Variants in CHIA observed in about 807,000 individuals in gnomAD.
CHIA encodes chitinase acidic.
In CHIA, 47 loss-of-function variants were observed where a neutral mutation model predicts 53.5. That is an observed-to-expected ratio of 0.88 (90% CI 0.70 to 1.12). The LOEUF (loss-of-function observed/expected upper bound fraction) is 1.12, where lower values mean the gene tolerates loss of function less well. Among genes scored for constraint, CHIA ranks in the 50% most tolerant of loss-of-function variants. The pLI is 0.00. For missense variants in CHIA, 652 were observed against 592.2 expected (o/e 1.10, Z -1.05); for synonymous variants, 268 against 222.2 (o/e 1.21, Z -1.83).
chr1:111,308,418 G>A (rs7412290), intron 1 of CHIA, among the ~76,000 whole-genome samples: 19,956 of 152,150 alleles, frequency 0.13, 1,514 homozygotes, highest in African/African-American at 0.19. Flanking sequence ...AAAAGCTTGC[G>A]TACTTAACAC....
intron 1 of CHIA, among the ~76,000 whole-genome samples, chr1:111,300,498 A>G (rs1470662678): frequency 6.6e-6 from 1 of 152,228 alleles, no homozygotes; most frequent in Non-Finnish European, 1.5e-5. Flanking sequence ...TCCCTATTTA[A>G]AAAATGGTGC....
intron 4 of CHIA, 106 bp downstream of exon 4, chr1:111,312,497 A>G: frequency 1.2e-6 from 1 of 863,666 alleles, no homozygotes; most frequent in Non-Finnish European, 1.9e-6. Flanking sequence ...GATGGGGACC[A>G]AGACTCTGCA....
At chr1:111,294,134 T>C (rs1490753872) in intron 1 of CHIA, among the ~76,000 whole-genome samples, 4 of 152,162 alleles carry the variant, frequency 2.6e-5, no homozygotes, top group African/African-American at 9.7e-5. Context: ...AGGGATTGCA[T>C]TGAATCTGTA....
At chr1:111,310,744 T>G (rs1241556019) in intron 2 of CHIA, among the ~76,000 whole-genome samples, 2 of 152,256 alleles carry the variant, frequency 1.3e-5, no homozygotes, top group African/African-American at 4.8e-5. Context: ...AAAGCATACT[T>G]TCTCCTAGTG....
chr1:111,302,680 C>A (rs1647856864), intron 1 of CHIA, among the ~76,000 whole-genome samples: 1 of 152,114 alleles, frequency 6.6e-6, no homozygotes, highest in South Asian at 2.1e-4. Context: ...ATAGTCTATA[C>A]TGAAAAATGT....
chr1:111,302,937 C>T (rs1292143850), intron 1 of CHIA, among the ~76,000 whole-genome samples: 1 of 152,046 alleles, frequency 6.6e-6, no homozygotes, highest in Non-Finnish European at 1.5e-5. Context: ...TATAGTGTGT[C>T]ATTAGGTACA....
Position 111,318,522 on chromosome 1 carries a change from T to G in CHIA, c.759T>G (p.Asn253Lys), listed in dbSNP as rs746282994. 32 of 1,613,990 alleles carry G rather than the reference T, an allele frequency of 2.0e-5. No homozygotes were observed. Among genetic ancestry groups the G allele is most frequent in the Non-Finnish European group, 2.6e-5 (31 of 1,179,980 alleles). ...ATGTCATGAACTACTGGAAGGACAATGGAGCACCAGCTGAGAAGCTCATCG... is the reference window on the plus strand; with the variant it reads ...ATGTCATGAACTACTGGAAGGACAAGGGAGCACCAGCTGAGAAGCTCATCG... The part of the protein sequence containing the change: ...VDYVMNYWKD[N>K]GAPAEKLIVG... Residue 253 changes from asparagine to lysine, a missense_variant, in exon 9 of 12, where the codon AAT becomes AAG. Transcript: ENST00000369740.
At chr1:111,314,456 C>A (rs2101644124) in intron 4 of CHIA, 84 bp from the exon 5 acceptor site, 2 of 917,040 alleles carry the variant, frequency 2.2e-6, no homozygotes, top group Non-Finnish European at 3.5e-6. Flanking sequence ...AATATCTGAC[C>A]AGATCCAACA....
chr1:111,310,959 C>T (rs4240530), intron 2 of CHIA, among the ~76,000 whole-genome samples: 104,065 of 152,048 alleles, frequency 0.68, 36,018 homozygotes, highest in East Asian at 0.85. Flanking sequence ...TCTCTATTTA[C>T]TCCCCTATTA....
Position 111,320,531 on chromosome 1 carries a change from T to C in CHIA, c.*65T>C. The C allele has an allele frequency of 6.9e-7, 1 of 1,459,678 alleles. No individual in the cohort carries two copies. Among genetic ancestry groups the C allele is most frequent in the East Asian group, 2.3e-5 (1 of 43,728 alleles). The allele number at this position is 1,459,678 out of a possible 1,614,324, so 90.4% of individuals were successfully genotyped here. On this transcript the variant is annotated 3_prime_UTR_variant, in exon 12 of 12. Transcript: ENST00000369740. ...TTGCTTAGGACATGTTGCCCCTACC[T>C]AAAGTCCTGCAATAAAATCAGCAGT...
Position 111,312,333 on chromosome 1 carries a change from A to T in CHIA, c.199A>T (p.Thr67Ser), listed in dbSNP as rs186163063. Residue 67 changes from threonine to serine, a missense_variant, in exon 4 of 12, where the codon ACC (threonine) becomes TCC (serine). Coordinates refer to ENST00000369740, the MANE Select transcript of CHIA (RefSeq NM_201653.4). ...AFAGRQNNEITTIEWNDVTLY... is the reference protein window; with the variant it reads ...AFAGRQNNEISTIEWNDVTLY... Reference sequence around the variant, plus strand: ...TGCTGGGAGGCAGAACAACGAGATCACCACCATCGAATGGAATGATGTGAC... The same window carrying T: ...TGCTGGGAGGCAGAACAACGAGATCTCCACCATCGAATGGAATGATGTGAC... 7.4e-6 allele frequency: 12 copies of T among 1,613,988 alleles called. No individual in the cohort carries two copies. In the East Asian group the frequency reaches 2.2e-4, roughly 30 times the overall value.
chr1:111,297,959 A>G (rs1163800686), intron 1 of CHIA, among the ~76,000 whole-genome samples: 5 of 151,226 alleles, frequency 3.3e-5, no homozygotes, highest in African/African-American at 1.2e-4. Flanking sequence ...CTCTGATGAA[A>G]CAGACTTTAA....
At chr1:111,292,573 TC>T (rs1229177109) in intron 1 of CHIA, among the ~76,000 whole-genome samples, 1 of 152,224 alleles carries the variant, frequency 6.6e-6, no homozygotes, top group Non-Finnish European at 1.5e-5. Flanking sequence ...AAAATGTTTT[TC>T]TTGTGGTAAA....
intron 5 of CHIA, 81 bp downstream of exon 5, chr1:111,314,677 T>C (rs1649000436): frequency 1.0e-6 from 1 of 970,260 alleles, no homozygotes. Context: ...CCTTTAGACT[T>C]CACAATCTAA....
At chr1:111,305,793 C>A (rs1648132586) in intron 1 of CHIA, among the ~76,000 whole-genome samples, 1 of 152,016 alleles carries the variant, frequency 6.6e-6, no homozygotes, top group Non-Finnish European at 1.5e-5. Context: ...TTAAGCTAAG[C>A]ATATTGGAAA....
chr1:111,311,819 G>T, intron 3 of CHIA, 101 bp downstream of exon 3: 1 of 1,242,312 alleles, frequency 8.0e-7, no homozygotes, highest in South Asian at 1.2e-5. Context: ...AGATGGGTTT[G>T]ATTTGGGAGT....
At chr1:111,297,707 T>G (rs1407349959) in intron 1 of CHIA, among the ~76,000 whole-genome samples, 1 of 151,974 alleles carries the variant, frequency 6.6e-6, no homozygotes, top group East Asian at 1.9e-4. Flanking sequence ...AATGACAGCA[T>G]CAAATTCACA....
chr1:111,295,930 T>C (rs1199524397), intron 1 of CHIA, among the ~76,000 whole-genome samples: 3 of 152,208 alleles, frequency 2.0e-5, no homozygotes, highest in African/African-American at 7.2e-5. Context: ...GCTCAGTGGG[T>C]CCCATGCTCA....
At chr1:111,318,247 C>T (rs1649335568) in intron 8 of CHIA, 138 bp downstream of exon 8, 2 of 1,013,146 alleles carry the variant, frequency 2.0e-6, no homozygotes, top group Non-Finnish European at 1.4e-6. Context: ...TAAATATTCT[C>T]ATTTAATTTC....
Sources: allele counts gnomAD v4.1 joint callset (sites outside exome capture counted in the v4.1 genomes callset), GRCh38; gene constraint gnomAD v4.1.1; transcripts MANE v1.5; gene names NCBI Gene and HGNC (gene_info 2026-07-23, HGNC 2026-07-21).